The following GUCY1A1 variants were observed in gnomAD, a reference collection of about 807,000 sequenced individuals.
GUCY1A1 encodes guanylate cyclase 1 soluble subunit alpha 1.
GUCY1A1 carries 48 observed loss-of-function variants against 64.5 expected under a neutral mutation model. The observed-to-expected ratio is 0.74, with a 90% CI of 0.59 to 0.95. GUCY1A1 has a LOEUF of 0.95. Ranked by LOEUF, GUCY1A1 falls within the 40% of genes least tolerant of loss-of-function variation. GUCY1A1 has a pLI of 0.00. For missense variants in GUCY1A1, 804 were observed against 825.3 expected, an observed-to-expected ratio of 0.97 and a Z score of 0.32; for synonymous variants, 308 against 303.4, an observed-to-expected ratio of 1.02 and a Z score of -0.16.
Position 155,730,121 on chromosome 4 carries a change from CA to C in GUCY1A1, c.1964del (p.His655LeufsTer29), listed in dbSNP as rs757904078. ...NFPSEIPGIC[H>X]FLDAYQQGTN... ...CCCTAGTGAAATCCCCGGAATCTGC[CA>C]TTTTCTGGATGCTTACCAACAAGGA... On this transcript the variant is annotated frameshift_variant, in exon 10 of 10. Coordinates refer to ENST00000506455, the MANE Select transcript of GUCY1A1 (RefSeq NM_001130682.3). LOFTEE classifies it high-confidence loss of function. 4 of 1,611,252 alleles carry C rather than the reference CA, an allele frequency of 2.5e-6. No homozygotes were observed. Among genetic ancestry groups the C allele is most frequent in the Non-Finnish European group, 3.4e-6 (4 of 1,177,864 alleles).
chr4:155,705,657 T>C (rs1731662638), intron 4 of GUCY1A1, among the ~76,000 whole-genome samples: 1 of 152,146 alleles, frequency 6.6e-6, no homozygotes. Flanking sequence ...GAACTGAACA[T>C]TGGAGTTTTA....
chr4:155,711,268 A>G lies in GUCY1A1; in HGVS notation c.1086+17A>G, dbSNP rs760460165. Reference sequence around the variant, plus strand: ...TCTTCAAGGGTAAGGAAAACATAATACTATCTTGAATATGAAAGCTATTTC... The same window carrying G: ...TCTTCAAGGGTAAGGAAAACATAATGCTATCTTGAATATGAAAGCTATTTC... On this transcript the variant is annotated intron_variant, in intron 6 of 9. Coordinates refer to ENST00000506455, the MANE Select transcript of GUCY1A1 (RefSeq NM_001130682.3). 2 of 1,278,080 alleles carry G rather than the reference A, an allele frequency of 1.6e-6. No individual in the cohort carries two copies. The highest frequency in any genetic ancestry group is 2.3e-6 in the Non-Finnish European group (2 of 882,366). The allele number at this position is 1,278,080 out of a possible 1,614,324, so 79.2% of individuals were successfully genotyped here. A position where few individuals can be genotyped will look rare whatever the true frequency, so the allele number is the denominator to read the frequency against.
rs529277171 is a variant in GUCY1A1 at position 155,678,471 on chromosome 4, C to T, written c.-113+11052C>T. Among the ~76,000 whole-genome samples the T allele has an allele frequency of 5.9e-5, 9 of 152,216 alleles. No homozygotes were observed. The East Asian group carries it at 1.7e-3, about 29-fold the overall frequency. The stretch of plus-strand genomic sequence containing the variant: ...CATTTCTTAGGTACATTTTACATTC[C>T]AAGCATTAATACAACTGCATTACTT... On this transcript the variant is annotated intron_variant, in intron 2 of 9. Coordinates refer to ENST00000506455, the MANE Select transcript of GUCY1A1 (RefSeq NM_001130682.3).
rs569597626 is a variant in GUCY1A1 at position 155,736,230 on chromosome 4, T to A, written c.*5999T>A. On this transcript the variant is annotated 3_prime_UTR_variant, in exon 10 of 10. Transcript: ENST00000506455. ...ACAGCTTTTCTTTTCTAAATGAGCA[T>A]GAATATAAATAGAAATTCTAGTATT... The A allele has an allele frequency of 3.9e-4, 59 of 152,090 alleles. No individual in the cohort carries two copies. The highest frequency in any genetic ancestry group is 1.4e-3 in the African/African-American group (57 of 41,534). 9.4% of individuals were successfully genotyped at this position (152,090 alleles called of 1,614,324 possible).
intron 3 of GUCY1A1, among the ~76,000 whole-genome samples, chr4:155,700,548 G>A (rs1274552288): frequency 6.6e-6 from 1 of 152,074 alleles, no homozygotes; most frequent in Non-Finnish European, 1.5e-5. Flanking sequence ...TTCATATATG[G>A]TATATTTGTG....
At chr4:155,711,416 T>C (rs1732559580) in intron 6 of GUCY1A1, 165 bp downstream of exon 6, 1 of 472,210 alleles carries the variant, frequency 2.1e-6, no homozygotes, top group Non-Finnish European at 3.7e-6. Context: ...CAAAATTCTT[T>C]CTGCATTTGT....
At chr4:155,729,051 A>G (rs932825923) in intron 9 of GUCY1A1, among the ~76,000 whole-genome samples, 2 of 151,860 alleles carry the variant, frequency 1.3e-5, no homozygotes, top group African/African-American at 4.8e-5. Flanking sequence ...ACAGATTTCT[A>G]TTCAGTTGGT....
intron 4 of GUCY1A1, 69 bp from the exon 5 acceptor site, chr4:155,708,167 G>T: frequency 1.2e-6 from 1 of 810,734 alleles, no homozygotes. Flanking sequence ...CATTGTTTCT[G>T]TATATTATAA....
intron 2 of GUCY1A1, among the ~76,000 whole-genome samples, chr4:155,673,012 G>C (rs1031062714): frequency 1.3e-5 from 2 of 152,298 alleles, no homozygotes; most frequent in South Asian, 2.1e-4. Context: ...AACAAAACAA[G>C]AGCAGAGTAG....
chr4:155,704,002 A>T lies in GUCY1A1; in HGVS notation c.317+9A>T. On this transcript the variant is annotated intron_variant, in intron 4 of 9. Transcript: ENST00000506455. ...AAAATAAAAGAAAGCAGGTAAGTCAAACCACTTTAGTTGTGTGAACCTCTT... is the reference window on the plus strand; with the variant it reads ...AAAATAAAAGAAAGCAGGTAAGTCATACCACTTTAGTTGTGTGAACCTCTT... 1 of 1,574,866 alleles carries T rather than the reference A, an allele frequency of 6.3e-7. No individual in the cohort carries two copies. The highest frequency in any genetic ancestry group is 8.7e-7 in the Non-Finnish European group (1 of 1,148,308).
At chr4:155,686,480 C>CA (rs1314348760) in intron 2 of GUCY1A1, among the ~76,000 whole-genome samples, 8 of 151,746 alleles carry the variant, frequency 5.3e-5, no homozygotes, top group Non-Finnish European at 7.4e-5. Context: ...GACTCCGTCT[C>CA]AAAAAAAAGA....
Position 155,730,062 on chromosome 4 carries a change from C to T in GUCY1A1, c.1904C>T (p.Thr635Ile), listed in dbSNP as rs1252544661. The T allele has an allele frequency of 6.2e-7, 1 of 1,608,788 alleles. No individual in the cohort carries two copies. Among genetic ancestry groups the T allele is most frequent in the Admixed American group, 1.7e-5 (1 of 59,818 alleles). Residue 635 changes from threonine (T) to isoleucine (I), a missense_variant, in exon 10 of 10, where the codon ACC becomes ATC. By Grantham distance (89) the Thr-to-Ile change is moderately conservative. Transcript: ENST00000506455. ...LLKDCPGFVF[T>I]PRSREELPPN... ...AAAGACTGTCCTGGTTTCGTGTTTACCCCTCGATCAAGGGAGGAACTTCCA... is the reference window on the plus strand; with the variant it reads ...AAAGACTGTCCTGGTTTCGTGTTTATCCCTCGATCAAGGGAGGAACTTCCA...
chr4:155,698,184 T>A (rs1156740188), intron 3 of GUCY1A1, among the ~76,000 whole-genome samples: 1 of 152,184 alleles, frequency 6.6e-6, no homozygotes, highest in African/African-American at 2.4e-5. Flanking sequence ...TAATTCCTGC[T>A]GTAAACAGTC....
chr4:155,720,610 A>C (rs1733849806), intron 8 of GUCY1A1, among the ~76,000 whole-genome samples: 1 of 152,128 alleles, frequency 6.6e-6, no homozygotes, highest in South Asian at 2.1e-4. Flanking sequence ...TTCCTGATTC[A>C]CAGTCTAGTG....
At chr4:155,703,898 G>T in intron 3 of GUCY1A1, 34 bp from the exon 4 acceptor site, 2 of 1,338,050 alleles carry the variant, frequency 1.5e-6, no homozygotes, top group East Asian at 2.3e-5. Flanking sequence ...TATTATATAA[G>T]GGAATGTTTA....
chr4:155,710,846 T>C lies in GUCY1A1; in HGVS notation c.681T>C (p.Tyr227=). 6.2e-7 allele frequency: 1 copy of C among 1,614,162 alleles called. No homozygotes were observed. Among genetic ancestry groups the C allele is most frequent in the Non-Finnish European group, 8.5e-7 (1 of 1,180,006 alleles). ...TAAAGGCAGCTGCTCACGTATTATA[T>C]GAAACGGAAGTGGAAGTGTCGTTAA... ...GIIKAAAHVL[Y]ETEVEVSLMP... Residue 227 remains tyrosine, a synonymous_variant, in exon 6 of 10, where the codon TAT becomes TAC. Coordinates refer to ENST00000506455, the MANE Select transcript of GUCY1A1 (RefSeq NM_001130682.3).
intron 9 of GUCY1A1, among the ~76,000 whole-genome samples, chr4:155,723,739 T>A (rs1734285697): frequency 6.6e-6 from 1 of 152,022 alleles, no homozygotes; most frequent in African/African-American, 2.4e-5. Flanking sequence ...CTTGCCTCAC[T>A]GCAAGCTCTG....
At chr4:155,709,599 C>T (rs747987363) in intron 5 of GUCY1A1, among the ~76,000 whole-genome samples, 7 of 152,030 alleles carry the variant, frequency 4.6e-5, no homozygotes, top group Admixed American at 6.6e-5. Context: ...TTTAGGAGGC[C>T]GAGGTGGGCA....
At chr4:155,720,389 A>G (rs1465579918) in intron 8 of GUCY1A1, among the ~76,000 whole-genome samples, 2 of 150,562 alleles carry the variant, frequency 1.3e-5, no homozygotes, top group African/African-American at 4.9e-5. Flanking sequence ...CACTTGCTAA[A>G]TGTGTAAATT....
Sources: gnomAD v4.1 joint callset for allele counts (sites outside exome capture counted in the v4.1 genomes callset) on GRCh38, gnomAD v4.1.1 for gene constraint, MANE v1.5 for transcripts, NCBI Gene and HGNC (gene_info 2026-07-23, HGNC 2026-07-21) for gene names.